Variants in VSTM4 observed in about 807,000 individuals in gnomAD.
VSTM4 encodes the protein V-set and transmembrane domain containing 4.
In VSTM4, 20 loss-of-function variants were observed where a neutral mutation model predicts 36.4. That is an observed-to-expected ratio of 0.55 (90% confidence interval 0.39 to 0.80). VSTM4 has a LOEUF of 0.80. VSTM4 is among the 30% of genes least tolerant of loss of function. The pLI is 0.00. For synonymous variants in VSTM4, 182 were observed against 173.9 expected (o/e 1.05, Z -0.37); for missense variants, 392 against 404.5 (o/e 0.97, Z 0.26).
chr10:49,082,763 A>G (rs1367008351), intron 3 of VSTM4, among the ~76,000 whole-genome samples: 1 of 152,226 alleles, frequency 6.6e-6, no homozygotes, highest in Non-Finnish European at 1.5e-5. Context: ...CTCTTAAATC[A>G]TTTACAGTTT....
rs529673741 is a variant in VSTM4 at position 49,034,518 on chromosome 10, T to G, written c.837+12465A>C. 2.0e-5 allele frequency among the ~76,000 whole-genome samples: 3 copies of G among 152,340 alleles called. No individual in the cohort carries two copies. The South Asian group carries it at 6.2e-4, about 32-fold the overall frequency. ...ATTGTCTTTTGGTGATCACATGTGCTCGTTGGAAATTCATAAATTTAATTT... is the reference window on the plus strand; with the variant it reads ...ATTGTCTTTTGGTGATCACATGTGCGCGTTGGAAATTCATAAATTTAATTT... On this transcript the variant is annotated intron_variant, in intron 7 of 7. Transcript: ENST00000332853.
At chr10:49,098,078 A>T (rs964582287) in intron 2 of VSTM4, among the ~76,000 whole-genome samples, 1 of 152,032 alleles carries the variant, frequency 6.6e-6, no homozygotes, top group African/African-American at 2.4e-5. Flanking sequence ...AGAGAGGGAG[A>T]CATGGCTGAG....
At chr10:49,050,190 T>C (rs969272377) in intron 5 of VSTM4, among the ~76,000 whole-genome samples, 2 of 152,210 alleles carry the variant, frequency 1.3e-5, no homozygotes, top group African/African-American at 4.8e-5. Flanking sequence ...GGACAATGTA[T>C]AAAATGTGCC....
At chr10:49,028,764 T>C (rs1045493031) in intron 7 of VSTM4, among the ~76,000 whole-genome samples, 1 of 152,218 alleles carries the variant, frequency 6.6e-6, no homozygotes, top group African/African-American at 2.4e-5. Flanking sequence ...AAAAATGCAA[T>C]TGCAGCCTCT....
intron 5 of VSTM4, among the ~76,000 whole-genome samples, chr10:49,056,080 A>G (rs1444038309): frequency 6.6e-6 from 1 of 152,232 alleles, no homozygotes; most frequent in African/African-American, 2.4e-5. Context: ...ATTAGAATAA[A>G]TGCTACTCCT....
At chr10:49,083,458 C>T (rs1234033516) in intron 3 of VSTM4, among the ~76,000 whole-genome samples, 1 of 152,208 alleles carries the variant, frequency 6.6e-6, no homozygotes, top group Non-Finnish European at 1.5e-5. Context: ...TCAACTGTAC[C>T]TCTAACCTCG....
intron 3 of VSTM4, among the ~76,000 whole-genome samples, chr10:49,081,588 G>A (rs1844279683): frequency 6.6e-6 from 1 of 152,236 alleles, no homozygotes; most frequent in Non-Finnish European, 1.5e-5. Flanking sequence ...GAGGTCAGGG[G>A]CTTCAAAAGG....
chr10:49,032,555 T>G (rs1425272900), intron 7 of VSTM4, among the ~76,000 whole-genome samples: 2 of 152,270 alleles, frequency 1.3e-5, no homozygotes, highest in East Asian at 1.9e-4. Context: ...CAACTTCAGC[T>G]CCTAGAAAGA....
intron 2 of VSTM4, among the ~76,000 whole-genome samples, chr10:49,087,963 GTGTA>G (rs1462920479): frequency 7.7e-6 from 1 of 129,832 alleles, no homozygotes; most frequent in African/African-American, 4.1e-5. Flanking sequence ...TAATATATAT[GTGTA>G]TATATACATA....
At chr10:49,098,494 G>T (rs907660863) in intron 2 of VSTM4, among the ~76,000 whole-genome samples, 1 of 152,066 alleles carries the variant, frequency 6.6e-6, no homozygotes, top group South Asian at 2.1e-4. Flanking sequence ...TTTCAAGCTC[G>T]TGCAACTACA....
chr10:49,051,955 T>TTG (rs34487211), intron 5 of VSTM4, among the ~76,000 whole-genome samples: 122,011 of 151,994 alleles, frequency 0.8, 50,645 homozygotes, highest in Non-Finnish European at 0.92. Flanking sequence ...ATTTTTCATA[T>TTG]TTATATTCTC....
intron 1 of VSTM4, among the ~76,000 whole-genome samples, chr10:49,112,944 T>C (rs1844923958): frequency 6.6e-6 from 1 of 152,148 alleles, no homozygotes; most frequent in African/African-American, 2.4e-5. Context: ...AACCTACTCA[T>C]TGTGAAGTGG....
At chr10:49,039,222 C>T (rs950942187) in intron 7 of VSTM4, among the ~76,000 whole-genome samples, 10 of 151,854 alleles carry the variant, frequency 6.6e-5, no homozygotes, top group Non-Finnish European at 5.9e-5. Context: ...ATGAGGCAGG[C>T]GTAGGTGAGG....
intron 4 of VSTM4, among the ~76,000 whole-genome samples, chr10:49,065,571 A>G (rs371888640): frequency 5.9e-5 from 9 of 152,192 alleles, no homozygotes; most frequent in Admixed American, 4.6e-4. Flanking sequence ...TTCTGTCACC[A>G]CATGAGGAAG....
At chr10:49,081,118 G>C (rs772261635) in intron 3 of VSTM4, among the ~76,000 whole-genome samples, 12 of 152,200 alleles carry the variant, frequency 7.9e-5, no homozygotes, top group Non-Finnish European at 1.8e-4. Flanking sequence ...CAGGATCCCA[G>C]GGCACAGGAT....
At chr10:49,064,092 A>T (rs1843928474) in intron 5 of VSTM4, 1 of 152,254 alleles carries the variant, frequency 6.6e-6, no homozygotes, top group South Asian at 2.1e-4. Flanking sequence ...TTACTCCTCC[A>T]GTCCTGGGAT....
At chr10:49,100,091 A>G (rs1590131138) in intron 2 of VSTM4, among the ~76,000 whole-genome samples, 1 of 152,296 alleles carries the variant, frequency 6.6e-6, no homozygotes, top group East Asian at 1.9e-4. Context: ...TATCAGGGCA[A>G]TCCCAGTTGT....
At chr10:49,041,468 G>A (rs1438728934) in intron 7 of VSTM4, among the ~76,000 whole-genome samples, 2 of 152,092 alleles carry the variant, frequency 1.3e-5, no homozygotes, top group East Asian at 3.8e-4. Context: ...TGAAAATTGA[G>A]AATTTCCTAT....
chr10:49,054,955 C>G (rs913951361), intron 5 of VSTM4, among the ~76,000 whole-genome samples: 2 of 152,150 alleles, frequency 1.3e-5, no homozygotes, highest in Non-Finnish European at 2.9e-5. Flanking sequence ...TCTTTGCACC[C>G]GGACATACGA....
Sources: gnomAD v4.1 joint callset for allele counts (sites outside exome capture counted in the v4.1 genomes callset) on GRCh38, gnomAD v4.1.1 for gene constraint, MANE v1.5 for transcripts, NCBI Gene and HGNC (gene_info 2026-07-23, HGNC 2026-07-21) for gene names.